The following MBOAT1 variants were observed in gnomAD, a reference collection of about 807,000 sequenced individuals.
MBOAT1 encodes membrane-bound glycerophospholipid O-acyltransferase 1.
In MBOAT1, 67 loss-of-function variants were observed where a neutral mutation model predicts 64.4. That is an observed-to-expected ratio of 1.04 (90% confidence interval 0.85 to 1.27). MBOAT1 has a LOEUF of 1.27. MBOAT1 is among the 50% of genes most tolerant of loss of function. The probability of loss-of-function intolerance (pLI) is 0.00; values close to 1 mark genes in which losing one functional copy is unlikely to be tolerated. For synonymous variants in MBOAT1, 229 were observed against 218.9 expected (o/e 1.05, Z -0.41); for missense variants, 563 against 604.6 (o/e 0.93, Z 0.72).
intron 1 of MBOAT1, among the ~76,000 whole-genome samples, chr6:20,156,570 A>G (rs1020905510): frequency 1.3e-5 from 2 of 152,250 alleles, no homozygotes; most frequent in South Asian, 2.1e-4. Flanking sequence ...ACACGTGTAC[A>G]TCTTATAAGG....
At chr6:20,160,957 C>T (rs916893844) in intron 1 of MBOAT1, among the ~76,000 whole-genome samples, 1 of 152,128 alleles carries the variant, frequency 6.6e-6, no homozygotes, top group South Asian at 2.1e-4. Flanking sequence ...CAATTTATTG[C>T]CCAAAAGACC....
chr6:20,210,480 A>G (rs1183582301), intron 1 of MBOAT1, among the ~76,000 whole-genome samples: 1 of 151,726 alleles, frequency 6.6e-6, no homozygotes, highest in African/African-American at 2.4e-5. Context: ...ATCCACACTC[A>G]CTCCTGCTGG....
rs542726908 is a variant in MBOAT1 at position 20,194,206 on chromosome 6, A to G, written c.99+17930T>C. Among the ~76,000 whole-genome samples, 10 of 152,322 alleles carry G rather than the reference A, an allele frequency of 6.6e-5. No homozygotes were observed. The East Asian group carries it at 1.9e-3, about 29-fold the overall frequency. ...CAGAAAAATTATTAGAATAACACAG[A>G]GTTCCCATATATTCTGCAACCAGTT... On this transcript the variant is annotated intron_variant, in intron 1 of 12. Coordinates refer to ENST00000324607, the MANE Select transcript of MBOAT1 (RefSeq NM_001080480.3).
At chr6:20,113,320 C>T (rs888818430) in intron 10 of MBOAT1, among the ~76,000 whole-genome samples, 1 of 152,198 alleles carries the variant, frequency 6.6e-6, no homozygotes, top group Non-Finnish European at 1.5e-5. Flanking sequence ...ACTTTCCACC[C>T]AACAGGAGTT....
intron 1 of MBOAT1, among the ~76,000 whole-genome samples, chr6:20,155,940 T>G (rs1486432455): frequency 6.6e-6 from 1 of 152,192 alleles, no homozygotes; most frequent in Non-Finnish European, 1.5e-5. Context: ...TGGTGTTGCC[T>G]GATTCATGAA....
intron 1 of MBOAT1, among the ~76,000 whole-genome samples, chr6:20,196,134 A>G (rs1198239602): frequency 1.3e-5 from 2 of 152,198 alleles, no homozygotes; most frequent in Non-Finnish European, 2.9e-5. Context: ...CTAAACTCAC[A>G]TGCCCTGTGT....
chr6:20,205,369 A>G (rs1045428573), intron 1 of MBOAT1, among the ~76,000 whole-genome samples: 1 of 152,216 alleles, frequency 6.6e-6, no homozygotes, highest in African/African-American at 2.4e-5. Flanking sequence ...AGTGTCCTTA[A>G]GCCAGACAGG....
intron 1 of MBOAT1, among the ~76,000 whole-genome samples, chr6:20,182,353 C>T (rs1237296681): frequency 1.3e-5 from 2 of 152,166 alleles, no homozygotes; most frequent in African/African-American, 4.8e-5. Context: ...ACAAATCCCA[C>T]ACCAAAGGCC....
At chr6:20,172,558 C>A (rs1253595449) in intron 1 of MBOAT1, among the ~76,000 whole-genome samples, 1 of 152,156 alleles carries the variant, frequency 6.6e-6, no homozygotes, top group East Asian at 1.9e-4. Context: ...CTCTTAAAAT[C>A]AAACAGAATG....
intron 8 of MBOAT1, among the ~76,000 whole-genome samples, chr6:20,121,959 G>A (rs1044347436): frequency 6.6e-6 from 1 of 152,136 alleles, no homozygotes; most frequent in Non-Finnish European, 1.5e-5. Context: ...GAGGTCAGGA[G>A]TTCAAGACCA....
At chr6:20,203,940 T>A (rs1439130034) in intron 1 of MBOAT1, among the ~76,000 whole-genome samples, 1 of 152,264 alleles carries the variant, frequency 6.6e-6, no homozygotes, top group Non-Finnish European at 1.5e-5. Context: ...TTCTGCTTTC[T>A]TCAGCCTTTT....
intron 1 of MBOAT1, among the ~76,000 whole-genome samples, chr6:20,170,964 G>A (rs1361551435): frequency 6.6e-6 from 1 of 152,170 alleles, no homozygotes; most frequent in Non-Finnish European, 1.5e-5. Context: ...TGGCCAGCAT[G>A]CTAGGGAAAT....
intron 1 of MBOAT1, among the ~76,000 whole-genome samples, chr6:20,156,544 T>C (rs559088506): frequency 6.6e-6 from 1 of 152,304 alleles, no homozygotes; most frequent in South Asian, 2.1e-4. Flanking sequence ...AGATATAGGA[T>C]TGCTTTTCAG....
At chr6:20,111,866 A>ATT (rs1760171816) in intron 11 of MBOAT1, among the ~76,000 whole-genome samples, 1 of 138,654 alleles carries the variant, frequency 7.2e-6, no homozygotes, top group Non-Finnish European at 1.5e-5. Context: ...ATACATATAT[A>ATT]TACATATATA....
intron 1 of MBOAT1, among the ~76,000 whole-genome samples, chr6:20,170,065 T>A (rs2113724186): frequency 6.6e-6 from 1 of 152,266 alleles, no homozygotes; most frequent in East Asian, 1.9e-4. Flanking sequence ...CCCACAGCTG[T>A]CTTCTCTTAC....
chr6:20,179,270 G>A (rs1304248543), intron 1 of MBOAT1, among the ~76,000 whole-genome samples: 1 of 152,154 alleles, frequency 6.6e-6, no homozygotes, highest in African/African-American at 2.4e-5. Context: ...TGCTTAGGCT[G>A]CATGCAGTTG....
At chr6:20,152,992 C>T (rs1761571361) in intron 1 of MBOAT1, among the ~76,000 whole-genome samples, 1 of 152,096 alleles carries the variant, frequency 6.6e-6, no homozygotes, top group Admixed American at 6.5e-5. Context: ...GCCACCACGC[C>T]CGGCTAATTT....
At chr6:20,204,744 T>G (rs1323570396) in intron 1 of MBOAT1, among the ~76,000 whole-genome samples, 1 of 152,212 alleles carries the variant, frequency 6.6e-6, no homozygotes, top group African/African-American at 2.4e-5. Context: ...AAGAGTTCAC[T>G]GTGCTGAAAG....
rs371129998 is a variant in MBOAT1, at chr6:20,126,798, G to A, written c.531-98C>T. 104 of 847,804 alleles carry A rather than the reference G, an allele frequency of 1.2e-4. No homozygotes were observed. In the African/African-American group the frequency reaches 1.5e-3, roughly 13 times the overall value. 52.5% of individuals were successfully genotyped at this position (847,804 alleles called of 1,614,324 possible). On this transcript the variant is annotated intron_variant, in intron 6 of 12. Coordinates refer to ENST00000324607, the MANE Select transcript of MBOAT1 (RefSeq NM_001080480.3). ...ACACAAATGTTATCTCTGTAGATTCGATACATGACATGACCTTTCCTTGTT... is the reference window on the plus strand; with the variant it reads ...ACACAAATGTTATCTCTGTAGATTCAATACATGACATGACCTTTCCTTGTT...
Sources: gnomAD v4.1 joint callset for allele counts (sites outside exome capture counted in the v4.1 genomes callset) on GRCh38, gnomAD v4.1.1 for gene constraint, MANE v1.5 for transcripts, NCBI Gene and HGNC (gene_info 2026-07-23, HGNC 2026-07-21) for gene names.